The following CYB5R4 variants were observed in gnomAD, a reference collection of about 807,000 sequenced individuals.
CYB5R4 encodes cytochrome b5 reductase 4, also known as N-terminal cytochrome b5 and cytochrome b5 oxidoreductase domain-containing protein.
A neutral mutation model predicts 70.2 loss-of-function variants in CYB5R4; 55 were observed. That is an observed-to-expected ratio of 0.78 (90% confidence interval 0.63 to 0.98). CYB5R4 has a LOEUF of 0.98. Ranked by LOEUF, CYB5R4 falls within the 50% of genes least tolerant of loss-of-function variation. CYB5R4 has a pLI of 0.00. For missense variants in CYB5R4, 562 were observed against 612.6 expected, an observed-to-expected ratio of 0.92 and a Z score of 0.87; for synonymous variants, 197 against 199.5, an observed-to-expected ratio of 0.99 and a Z score of 0.11.
At chr6:83,953,191 A>G (rs1321766702) in intron 14 of CYB5R4, among the ~76,000 whole-genome samples, 1 of 152,136 alleles carries the variant, frequency 6.6e-6, no homozygotes, top group Non-Finnish European at 1.5e-5. Flanking sequence ...TAGCATATAT[A>G]AGGCTTTCTG....
intron 11 of CYB5R4, among the ~76,000 whole-genome samples, chr6:83,935,579 T>C (rs2129142360): frequency 6.6e-6 from 1 of 152,288 alleles, no homozygotes; most frequent in East Asian, 1.9e-4. Flanking sequence ...CTTTCAAACA[T>C]GCAATGATTC....
At chr6:83,919,717 T>C (rs2099466058) in intron 7 of CYB5R4, among the ~76,000 whole-genome samples, 1 of 151,902 alleles carries the variant, frequency 6.6e-6, no homozygotes, top group Non-Finnish European at 1.5e-5. Flanking sequence ...GCCATTCCTA[T>C]AGCCTCTTAA....
intron 3 of CYB5R4, among the ~76,000 whole-genome samples, chr6:83,894,921 A>G (rs1408176317): frequency 6.6e-6 from 1 of 152,132 alleles, no homozygotes; most frequent in Non-Finnish European, 1.5e-5. Flanking sequence ...GTAAACCCAT[A>G]TGTAAATGGA....
chr6:83,862,989 T>G (rs1323213765), intron 1 of CYB5R4, among the ~76,000 whole-genome samples: 2 of 152,228 alleles, frequency 1.3e-5, no homozygotes, highest in African/African-American at 4.8e-5. Context: ...AAGTGAGATA[T>G]GTAAACATCC....
At chr6:83,906,645 G>T (rs1417240784) in intron 3 of CYB5R4, among the ~76,000 whole-genome samples, 4 of 152,080 alleles carry the variant, frequency 2.6e-5, no homozygotes, top group Non-Finnish European at 5.9e-5. Context: ...CTTGCTTTAG[G>T]TATCTCCTGT....
chr6:83,910,941 T>C (rs1320634491), intron 4 of CYB5R4, among the ~76,000 whole-genome samples: 1 of 152,222 alleles, frequency 6.6e-6, no homozygotes, highest in Non-Finnish European at 1.5e-5. Context: ...TAAGTCTTCA[T>C]TTTAATTCTG....
At position 83,935,307 on chromosome 6, in the gene CYB5R4, C is replaced by T. The variant is rs950857322; in HGVS notation, c.955+572C>T. Reference sequence around the variant, plus strand: ...TTTCTTGGCCTTTTGAAGCTGCAAACGGTAAAATTCTCCTGTCAGCTGTAG... The same window carrying T: ...TTTCTTGGCCTTTTGAAGCTGCAAATGGTAAAATTCTCCTGTCAGCTGTAG... On this transcript the variant is annotated intron_variant, in intron 11 of 15. Transcript: ENST00000369681. Among the ~76,000 whole-genome samples, 6 of 152,106 alleles carry T rather than the reference C, an allele frequency of 3.9e-5. No homozygotes were observed. In the East Asian group the frequency reaches 7.7e-4, roughly 19 times the overall value.
chr6:83,961,657 A>T lies in CYB5R4; in HGVS notation c.*1779A>T, dbSNP rs1192764745. On this transcript the variant is annotated 3_prime_UTR_variant, in exon 16 of 16. Coordinates refer to ENST00000369681, the MANE Select transcript of CYB5R4 (RefSeq NM_016230.4). The stretch of plus-strand genomic sequence containing the variant: ...TTTTCTTCATAAATTACCCAGTCTC[A>T]GGTAGTTCTTTATAGCAGTGTGAAA... The T allele has an allele frequency of 6.6e-6, 1 of 152,336 alleles. No individual in the cohort carries two copies. Among genetic ancestry groups the T allele is most frequent in the African/African-American group, 2.4e-5 (1 of 41,450 alleles). The allele number at this position is 152,336 out of a possible 1,614,324, so 9.4% of individuals were successfully genotyped here.
chr6:83,947,934 A>T (rs1416161922), intron 14 of CYB5R4, among the ~76,000 whole-genome samples: 1 of 152,254 alleles, frequency 6.6e-6, no homozygotes, highest in Non-Finnish European at 1.5e-5. Flanking sequence ...AGTGCAAATT[A>T]GTTCAACCCT....
At chr6:83,902,696 T>C (rs975127745) in intron 3 of CYB5R4, among the ~76,000 whole-genome samples, 1 of 152,056 alleles carries the variant, frequency 6.6e-6, no homozygotes, top group Non-Finnish European at 1.5e-5. Context: ...TCACCAGTTG[T>C]GTTCTTTCAT....
intron 2 of CYB5R4, among the ~76,000 whole-genome samples, chr6:83,880,341 C>T (rs992839693): frequency 1.3e-5 from 2 of 152,162 alleles, no homozygotes; most frequent in Admixed American, 1.3e-4. Flanking sequence ...CGGAAGGACT[C>T]ATTGGCTTTA....
chr6:83,917,469 A>C (rs1280516733), intron 5 of CYB5R4, among the ~76,000 whole-genome samples: 1 of 152,134 alleles, frequency 6.6e-6, no homozygotes, highest in African/African-American at 2.4e-5. Context: ...ACTGGAAACA[A>C]CCTGAATGTT....
intron 3 of CYB5R4, among the ~76,000 whole-genome samples, chr6:83,898,301 C>T (rs1468486058): frequency 6.6e-6 from 1 of 152,084 alleles, no homozygotes; most frequent in Non-Finnish European, 1.5e-5. Flanking sequence ...TCTGAGGGCT[C>T]TGTTCTGTTC....
At chr6:83,861,143 C>A (rs1001387563) in intron 1 of CYB5R4, among the ~76,000 whole-genome samples, 9 of 152,148 alleles carry the variant, frequency 5.9e-5, no homozygotes, top group African/African-American at 2.2e-4. Flanking sequence ...TGCCCTTCTT[C>A]GTTAAAAATA....
chr6:83,880,590 A>T, intron 2 of CYB5R4, among the ~76,000 whole-genome samples: 1 of 152,172 alleles, frequency 6.6e-6, no homozygotes, highest in East Asian at 1.9e-4. Flanking sequence ...TAGTCTCCCT[A>T]GGAGAAGTTT....
chr6:83,906,081 G>A (rs966318610), intron 3 of CYB5R4, among the ~76,000 whole-genome samples: 1 of 152,164 alleles, frequency 6.6e-6, no homozygotes, highest in African/African-American at 2.4e-5. Context: ...GCAATCCCCA[G>A]GCTATCAGTG....
At chr6:83,943,691 G>T (rs2099470119) in intron 14 of CYB5R4, among the ~76,000 whole-genome samples, 1 of 152,034 alleles carries the variant, frequency 6.6e-6, no homozygotes, top group Non-Finnish European at 1.5e-5. Context: ...CTAACCCAGT[G>T]CAAGGAAGCT....
At chr6:83,891,527 T>TG (rs1271617268) in intron 2 of CYB5R4, among the ~76,000 whole-genome samples, 1 of 152,168 alleles carries the variant, frequency 6.6e-6, no homozygotes, top group Non-Finnish European at 1.5e-5. Context: ...TCAGAAGAAA[T>TG]GCACCTGTTC....
At chr6:83,864,393 A>G in intron 2 of CYB5R4, 65 bp downstream of exon 2, 1 of 1,386,678 alleles carries the variant, frequency 7.2e-7, no homozygotes, top group Non-Finnish European at 9.9e-7. Context: ...GATGTTACAT[A>G]ACCTCACAGT....
Sources: allele counts gnomAD v4.1 joint callset (sites outside exome capture counted in the v4.1 genomes callset), GRCh38; gene constraint gnomAD v4.1.1; transcripts MANE v1.5; gene names NCBI Gene and HGNC (gene_info 2026-07-23, HGNC 2026-07-21).